The following THTPA variants were observed in gnomAD, a reference collection of about 807,000 sequenced individuals.
The protein encoded by THTPA is thiamine triphosphatase.
In THTPA, 16 loss-of-function variants were observed where a neutral mutation model predicts 16.5. That is an observed-to-expected ratio of 0.97 (90% CI 0.66 to 1.47). The LOEUF is 1.47. THTPA is among the 40% of genes most tolerant of loss of function. THTPA has a pLI of 0.00. For missense variants in THTPA, 281 were observed against 280.9 expected (o/e 1.00, Z 0.00); for synonymous variants, 110 against 115.5 (o/e 0.95, Z 0.30).
At chr14:23,535,015 C>G in the THTPA span, 2 of 1,536,054 alleles carry the variant, frequency 1.3e-6, no homozygotes, top group Non-Finnish European at 8.7e-7. This position sits in a 1 kb window ranked among gnomAD's most constrained non-coding sequence, Gnocchi z 4.5. Context: ...GGGAGGGAGC[C>G]CTTCTTCTTC....
At chr14:23,533,852 G>T in the THTPA span, 1 of 1,539,012 alleles carries the variant, frequency 6.5e-7, no homozygotes, top group Non-Finnish European at 8.7e-7. This position sits in a 1 kb window ranked among gnomAD's most constrained non-coding sequence, Gnocchi z 4.8. Flanking sequence ...AGGCGGGGGT[G>T]GGCGCCCCCA....
At chr14:23,523,384 G>A in the THTPA span, 1 of 1,499,598 alleles carries the variant, frequency 6.7e-7, no homozygotes, top group Non-Finnish European at 8.9e-7. The surrounding 1 kb of genome is among the most constrained non-coding windows in gnomAD (Gnocchi z 4.1). Context: ...CGTAGCACTT[G>A]CTTTCACTCT....
At chr14:23,524,291 C>G in the THTPA span, 2 of 1,536,318 alleles carry the variant, frequency 1.3e-6, no homozygotes, top group Non-Finnish European at 1.7e-6. This position sits in a 1 kb window ranked among gnomAD's most constrained non-coding sequence, Gnocchi z 5.6. Context: ...GAGCATCTTG[C>G]GTGTTGGGTT....
At chr14:23,537,408 GC>G in the THTPA span, among the ~76,000 whole-genome samples, 1 of 152,054 alleles carries the variant, frequency 6.6e-6, no homozygotes, top group South Asian at 2.1e-4. Flanking sequence ...CGTGTAAGGG[GC>G]GAGGGGCGTG....
Position 23,557,050 on chromosome 14 carries a change from CTGACGGCCTGGG to C in THTPA, c.294_305del (p.Asp99_Gly102del). On this transcript the variant is annotated inframe_deletion, in exon 1 of 2. Transcript: ENST00000288014. Reference sequence around the variant, plus strand: ...GCCCAACTCTGTAAGGTGCTGCGGGCTGACGGCCTGGGGGCTGGAGATGTGGCTGCTGTGCTG... The same window carrying C: ...GCCCAACTCTGTAAGGTGCTGCGGGCGGCTGGAGATGTGGCTGCTGTGCTG... 1.2e-6 allele frequency: 2 copies of C among 1,614,242 alleles called. No individual in the cohort carries two copies. Among genetic ancestry groups the C allele is most frequent in the African/African-American group, 2.7e-5 (2 of 75,070 alleles).
the THTPA span, chr14:23,512,779 A>G: frequency 2.0e-5 from 3 of 150,520 alleles, no homozygotes; most frequent in Non-Finnish European, 4.4e-5. Context: ...TATATATTTT[A>G]AATTGCACCC....
the THTPA span, chr14:23,530,807 C>T: frequency 6.9e-5 from 17 of 246,470 alleles, no homozygotes; most frequent in Non-Finnish European, 1.2e-4. Context: ...GTCAATGCTG[C>T]GTGTTCCTGG....
chr14:23,548,675 T>TGGG, the THTPA span, among the ~76,000 whole-genome samples: 1 of 152,184 alleles, frequency 6.6e-6, no homozygotes, highest in African/African-American at 2.4e-5. Flanking sequence ...AGGCCTTTCG[T>TGGG]GGGGGTAGTG....
At chr14:23,525,384 G>A in the THTPA span, 3 of 1,536,128 alleles carry the variant, frequency 2.0e-6, no homozygotes, top group Non-Finnish European at 1.7e-6. The surrounding 1 kb of genome is among the most constrained non-coding windows in gnomAD (Gnocchi z 5.9). Flanking sequence ...TAGCTCTTTC[G>A]AAACTGAGCA....
chr14:23,522,657 C>T, the THTPA span: 6 of 1,536,254 alleles, frequency 3.9e-6, no homozygotes, highest in East Asian at 1.2e-4. Flanking sequence ...AACTGGCCCC[C>T]CAACAGGGCT....
the THTPA span, chr14:23,522,863 G>C: frequency 5.3e-6 from 8 of 1,521,830 alleles, 1 homozygote; most frequent in South Asian, 9.8e-5. Context: ...GGGGCGGCCT[G>C]GGCCAGCAGT....
At chr14:23,526,452 G>T in the THTPA span, 4 of 1,536,132 alleles carry the variant, frequency 2.6e-6, no homozygotes, top group African/African-American at 5.5e-5. Flanking sequence ...GAGTCAGCTG[G>T]AGCTGGCTCT....
At chr14:23,512,199 G>T in the THTPA span, among the ~76,000 whole-genome samples, 1 of 152,256 alleles carries the variant, frequency 6.6e-6, no homozygotes, top group South Asian at 2.1e-4. Flanking sequence ...GGTGCAGGGG[G>T]TTGGGGGCTG....
At chr14:23,544,624 G>A in the THTPA span, among the ~76,000 whole-genome samples, 1 of 152,180 alleles carries the variant, frequency 6.6e-6, no homozygotes, top group Non-Finnish European at 1.5e-5. Context: ...CTGTGAGCCC[G>A]TATGTGGTTG....
chr14:23,525,513 C>G, the THTPA span: 1 of 1,535,744 alleles, frequency 6.5e-7, no homozygotes. This position sits in a 1 kb window ranked among gnomAD's most constrained non-coding sequence, Gnocchi z 5.9. Flanking sequence ...AGCTTGTCCC[C>G]ACCCCCGAGG....
chr14:23,541,459 G>A, the THTPA span, among the ~76,000 whole-genome samples: 1 of 151,590 alleles, frequency 6.6e-6, no homozygotes, highest in Non-Finnish European at 1.5e-5. Flanking sequence ...AGCTAATTTT[G>A]TATTTTTAGT....
the THTPA span, among the ~76,000 whole-genome samples, chr14:23,537,343 TCGTATTAGCAGATCTCTAGTGATTAAA>T: frequency 4.6e-5 from 7 of 151,950 alleles, no homozygotes; most frequent in African/African-American, 1.5e-4. Context: ...TCTCTAGCTC[TCGTATTAGCAGATCTCTAGTGATTAAA>T]CTGGTAGTGC....
the THTPA span, among the ~76,000 whole-genome samples, chr14:23,548,840 A>AC: frequency 6.6e-6 from 1 of 150,578 alleles, no homozygotes; most frequent in Non-Finnish European, 1.5e-5. Flanking sequence ...TTTTTTTCCA[A>AC]CCCCCCGGCG....
chr14:23,554,602 G>A (rs1189998603), upstream of THTPA, among the ~76,000 whole-genome samples: 1 of 147,130 alleles, frequency 6.8e-6, no homozygotes, highest in East Asian at 2.0e-4. Flanking sequence ...TGCCCAGGCT[G>A]GTCTCAAACT....
Sources: gnomAD v4.1 joint callset for allele counts (sites outside exome capture counted in the v4.1 genomes callset) on GRCh38, gnomAD v4.1.1 for gene constraint, Gnocchi (gnomAD v3.1) non-coding constraint, MANE v1.5 for transcripts, NCBI Gene and HGNC (gene_info 2026-07-23, HGNC 2026-07-21) for gene names.